Variants in ING3 observed in about 807,000 individuals in gnomAD.
ING3 encodes inhibitor of growth protein 3.
A neutral mutation model predicts 64.8 loss-of-function variants in ING3; 6 were observed. That is an observed-to-expected ratio of 0.09 (90% CI 0.05 to 0.18). The LOEUF (loss-of-function observed/expected upper bound fraction) is 0.18, where lower values mean the gene tolerates loss of function less well. ING3 is among the 10% of genes least tolerant of loss of function. The pLI, the probability that ING3 is intolerant of heterozygous loss-of-function variation, is 1.00. For missense variants in ING3, 310 were observed against 489.7 expected, an observed-to-expected ratio of 0.63 and a Z score of 3.46; for synonymous variants, 170 against 173.7, an observed-to-expected ratio of 0.98 and a Z score of 0.17.
At chr7:120,968,571 A>G (rs1377711583) in intron 8 of ING3, among the ~76,000 whole-genome samples, 1 of 152,192 alleles carries the variant, frequency 6.6e-6, no homozygotes, top group African/African-American at 2.4e-5. Flanking sequence ...TAGGCCAGGC[A>G]TGGTGACTCA....
At position 120,954,202 on chromosome 7, in the gene ING3, G is replaced by A. The variant is rs574463053; in HGVS notation, c.201+798G>A. The stretch of plus-strand genomic sequence containing the variant: ...GCACTTTGAGAGGCTGAGGCGGGTG[G>A]ATCACCTGAGGTCAGGAGTTCGAGA... On this transcript the variant is annotated intron_variant, in intron 3 of 11. Coordinates refer to ENST00000315870, the MANE Select transcript of ING3 (RefSeq NM_019071.3). 1.4e-3 allele frequency among the ~76,000 whole-genome samples: 214 copies of A among 152,200 alleles called. 1 individual carries two copies. The highest frequency in any genetic ancestry group is 3.9e-3 in the South Asian group (19 of 4,822).
intron 4 of ING3, among the ~76,000 whole-genome samples, chr7:120,959,009 T>G (rs911870976): frequency 6.6e-6 from 1 of 152,246 alleles, no homozygotes; most frequent in African/African-American, 2.4e-5. Flanking sequence ...ACTGACCCTA[T>G]TGGTAAATTT....
Position 120,975,488 on chromosome 7 carries a change from A to G in ING3, c.*644A>G, listed in dbSNP as rs1796123192. On this transcript the variant is annotated 3_prime_UTR_variant, in exon 12 of 12. Coordinates refer to ENST00000315870, the MANE Select transcript of ING3 (RefSeq NM_019071.3). The stretch of plus-strand genomic sequence containing the variant: ...AGTAATTTGTGCCATTAGTCTTTCT[A>G]TGTTTCTGCATCCAGATAGAGTGCA... 9.0e-6 allele frequency: 1 copy of G among 111,344 alleles called. No individual in the cohort carries two copies. The highest frequency in any genetic ancestry group is 1.7e-5 in the Non-Finnish European group (1 of 60,398). The allele number at this position is 111,344 out of a possible 1,614,324, so 6.9% of individuals were successfully genotyped here.
At chr7:120,954,486 A>C (rs185255347) in intron 3 of ING3, among the ~76,000 whole-genome samples, 7 of 152,110 alleles carry the variant, frequency 4.6e-5, no homozygotes, top group African/African-American at 1.4e-4. Context: ...CAAATTGAGT[A>C]GTTCTGTTAT....
At position 120,950,784 on chromosome 7, in the gene ING3, C is replaced by T. The variant is rs1795745056; in HGVS notation, c.-113C>T. ...TTTCTTTTTTTTTTTTTGCCGGAGT[C>T]GAGCGGGTGCTGCTAGCGGAGGCGC... On this transcript the variant is annotated 5_prime_UTR_variant, in exon 1 of 12. Transcript: ENST00000315870. 7.0e-6 allele frequency: 3 copies of T among 427,762 alleles called. No homozygotes were observed. The highest frequency in any genetic ancestry group is 8.2e-6 in the Non-Finnish European group (2 of 244,116). 26.5% of individuals were successfully genotyped at this position (427,762 alleles called of 1,614,324 possible).
At chr7:120,968,191 T>C in intron 8 of ING3, 100 bp downstream of exon 8, 1 of 1,051,160 alleles carries the variant, frequency 9.5e-7, no homozygotes, top group Non-Finnish European at 1.4e-6. Flanking sequence ...TTTCTAACGT[T>C]GTATATTTTC....
At chr7:120,959,685 G>A (rs1207881276) in intron 4 of ING3, among the ~76,000 whole-genome samples, 11 of 112,316 alleles carry the variant, frequency 9.8e-5, no homozygotes, top group African/African-American at 3.5e-4. Flanking sequence ...TCACTCTTTC[G>A]CCCAAGCTGG....
chr7:120,953,123 A>G (rs1006318473), intron 2 of ING3, among the ~76,000 whole-genome samples, 181 bp from the exon 3 acceptor site: 2 of 152,160 alleles, frequency 1.3e-5, no homozygotes, highest in African/African-American at 4.8e-5. Flanking sequence ...GAAAATTGTA[A>G]CTTTTTAAAG....
chr7:120,964,021 TAA>T (rs1795967390), intron 4 of ING3, among the ~76,000 whole-genome samples: 1 of 152,122 alleles, frequency 6.6e-6, no homozygotes, highest in Non-Finnish European at 1.5e-5. Context: ...AAAAATACAT[TAA>T]GACATTTTTT....
intron 11 of ING3, among the ~76,000 whole-genome samples, chr7:120,973,601 A>G (rs535194141): frequency 2.0e-5 from 3 of 152,278 alleles, no homozygotes; most frequent in South Asian, 4.1e-4. Context: ...TCATTCTTTC[A>G]GGCTGCACCG....
In ING3 at chr7:120,976,687, C is replaced by A. The variant is rs1796139296; in HGVS notation, c.*1843C>A. 1 of 152,112 alleles carries A rather than the reference C, an allele frequency of 6.6e-6. No homozygotes were observed. The highest frequency in any genetic ancestry group is 2.1e-4 in the South Asian group (1 of 4,830). The allele number at this position is 152,112 out of a possible 1,614,324, so 9.4% of individuals were successfully genotyped here. Reference sequence around the variant, plus strand: ...TTATAGAAATGGTCAAAGGAAAAAGCCTTATGTACAGCCTTATTTGAAGAG... The same window carrying A: ...TTATAGAAATGGTCAAAGGAAAAAGACTTATGTACAGCCTTATTTGAAGAG... On this transcript the variant is annotated 3_prime_UTR_variant, in exon 12 of 12. Transcript: ENST00000315870.
At chr7:120,951,384 G>C in intron 2 of ING3, 149 bp downstream of exon 2, 1 of 714,322 alleles carries the variant, frequency 1.4e-6, no homozygotes, top group South Asian at 1.8e-5. Flanking sequence ...TGGCAGCCCT[G>C]AATCTCGCCT....
At chr7:120,974,628 GTTAAA>G (rs887451461) in intron 11 of ING3, 95 bp from the exon 12 acceptor site, 2 of 594,756 alleles carry the variant, frequency 3.4e-6, no homozygotes, top group Middle Eastern at 2.9e-4. Context: ...TCTAATTATT[GTTAAA>G]TTAAATGGAT....
chr7:120,950,870 C>G lies in ING3; in HGVS notation c.-27C>G. On this transcript the variant is annotated 5_prime_UTR_variant, in exon 1 of 12. Transcript: ENST00000315870. ...TGACACAAATAAACCCCTGGACCCC[C>G]TTGTTCCCTCAGCTCTAAGGGCCGC... is the stretch of plus-strand genomic sequence containing the variant. The G allele has an allele frequency of 6.2e-7, 1 of 1,613,712 alleles. No individual in the cohort carries two copies. Among genetic ancestry groups the G allele is most frequent in the Non-Finnish European group, 8.5e-7 (1 of 1,179,790 alleles).
At position 120,975,950 on chromosome 7, in the gene ING3, T is replaced by G. The variant is rs945362360; in HGVS notation, c.*1106T>G. The G allele has an allele frequency of 2.6e-5, 4 of 152,132 alleles. No individual in the cohort carries two copies. Among genetic ancestry groups the G allele is most frequent in the Admixed American group, 2.6e-4 (4 of 15,266 alleles). The allele number at this position is 152,132 out of a possible 1,614,324, so 9.4% of individuals were successfully genotyped here. On this transcript the variant is annotated 3_prime_UTR_variant, in exon 12 of 12. Transcript: ENST00000315870. ...AAAACGAAAATAATGGTTATGGGTG[T>G]TTTGACTGGAGGCAATGTAGCCAAA...
intron 4 of ING3, among the ~76,000 whole-genome samples, chr7:120,963,619 A>T (rs1363436765): frequency 6.6e-6 from 1 of 152,128 alleles, no homozygotes; most frequent in Non-Finnish European, 1.5e-5. Flanking sequence ...TTCACCTATA[A>T]AGTAGAGACA....
At chr7:120,971,744 A>G (rs1025356016) in intron 10 of ING3, among the ~76,000 whole-genome samples, 2 of 152,134 alleles carry the variant, frequency 1.3e-5, no homozygotes, top group Admixed American at 1.3e-4. Context: ...TAATATTACG[A>G]TAGGCATTTT....
At chr7:120,956,591 CTT>C in intron 4 of ING3, 1 of 989,194 alleles carries the variant, frequency 1.0e-6, no homozygotes, top group African/African-American at 1.7e-5. Context: ...AACCTGGGCT[CTT>C]TTGTTCATAG....
intron 4 of ING3, chr7:120,956,549 T>C (rs1795850259): frequency 9.8e-7 from 1 of 1,020,776 alleles, no homozygotes; most frequent in African/African-American, 1.7e-5. Flanking sequence ...CTAGTTGTTT[T>C]TATGTAGTAC....
Sources: allele counts gnomAD v4.1 joint callset (sites outside exome capture counted in the v4.1 genomes callset), GRCh38; gene constraint gnomAD v4.1.1; transcripts MANE v1.5; gene names NCBI Gene and HGNC (gene_info 2026-07-23, HGNC 2026-07-21).